The following CADM1 variants were observed in gnomAD, a reference collection of about 807,000 sequenced individuals.
The protein encoded by CADM1 is TSLC-1.
A neutral mutation model predicts 53.1 loss-of-function variants in CADM1; 15 were observed. The ratio of observed to expected loss-of-function variants is 0.28; its 90% CI spans 0.19 to 0.44. The LOEUF (loss-of-function observed/expected upper bound fraction) is 0.44. Among genes scored for constraint, CADM1 ranks in the 20% least tolerant of loss-of-function variants. The pLI is 1.00. For missense variants in CADM1, 434 were observed against 611.3 expected, an observed-to-expected ratio of 0.71 and a Z score of 3.06; for synonymous variants, 281 against 243.0, an observed-to-expected ratio of 1.16 and a Z score of -1.45.
At position 115,367,415 on chromosome 11, in the gene CADM1, A is replaced by G. The variant is rs1338856465; in HGVS notation, c.125-126995T>C. ...GTTTCTTTCCATTTGCTTAACCTAC[A>G]AAGGATGAACCTATACATCAAATCA... On this transcript the variant is annotated intron_variant, in intron 1 of 11. Coordinates refer to ENST00000331581, the MANE Select transcript of CADM1 (RefSeq NM_001301043.2). 2.0e-5 allele frequency among the ~76,000 whole-genome samples: 3 copies of G among 152,340 alleles called. No individual in the cohort carries two copies. The East Asian group carries it at 5.8e-4, about 29-fold the overall frequency.
intron 1 of CADM1, among the ~76,000 whole-genome samples, chr11:115,363,284 G>A (rs947818792): frequency 3.3e-5 from 5 of 152,098 alleles, no homozygotes; most frequent in East Asian, 3.9e-4. Flanking sequence ...ATCTCCTACC[G>A]TTTTTCTGAC....
chr11:115,235,257 G>A (rs1941973317), intron 3 of CADM1, among the ~76,000 whole-genome samples: 1 of 151,462 alleles, frequency 6.6e-6, no homozygotes, highest in African/African-American at 2.4e-5. Context: ...GGTTGGACAA[G>A]AAAATCTTAA....
intron 1 of CADM1, among the ~76,000 whole-genome samples, chr11:115,483,790 T>C (rs1202135251): frequency 2.6e-5 from 4 of 152,220 alleles, no homozygotes; most frequent in African/African-American, 9.6e-5. Flanking sequence ...TATAAATTAA[T>C]TAAGATTAAA....
chr11:115,192,722 C>A, intron 9 of CADM1, among the ~76,000 whole-genome samples: 1 of 152,008 alleles, frequency 6.6e-6, no homozygotes, highest in Non-Finnish European at 1.5e-5. Context: ...CTTATTTCCT[C>A]GGGGAGGGCA....
At chr11:115,415,413 TAA>T (rs914904495) in intron 1 of CADM1, among the ~76,000 whole-genome samples, 1 of 152,080 alleles carries the variant, frequency 6.6e-6, no homozygotes, top group Non-Finnish European at 1.5e-5. Context: ...AGCTAAAACC[TAA>T]AAAAAGAGAT....
chr11:115,428,070 A>G (rs142267933), intron 1 of CADM1, among the ~76,000 whole-genome samples: 322 of 151,734 alleles, frequency 2.1e-3, no homozygotes, highest in African/African-American at 7.3e-3. Context: ...TAAAGAAAAT[A>G]TGTCTGAGTC....
intron 1 of CADM1, among the ~76,000 whole-genome samples, chr11:115,447,610 C>T (rs1482498256): frequency 1.3e-5 from 2 of 152,322 alleles, no homozygotes; most frequent in South Asian, 2.1e-4. Context: ...ACACACAGAA[C>T]TGAGCTTCTC....
chr11:115,439,019 AG>A (rs1295027892), intron 1 of CADM1, among the ~76,000 whole-genome samples: 1 of 152,242 alleles, frequency 6.6e-6, no homozygotes, highest in Non-Finnish European at 1.5e-5. Flanking sequence ...CATTATCATC[AG>A]AGAACCCACT....
intron 1 of CADM1, among the ~76,000 whole-genome samples, chr11:115,298,852 G>A (rs925054981): frequency 6.6e-6 from 1 of 152,108 alleles, no homozygotes; most frequent in Non-Finnish European, 1.5e-5. Flanking sequence ...GGTTACAGTG[G>A]TTCTCTCTGC....
At chr11:115,380,732 A>C (rs994200183) in intron 1 of CADM1, among the ~76,000 whole-genome samples, 1 of 152,166 alleles carries the variant, frequency 6.6e-6, no homozygotes, top group Non-Finnish European at 1.5e-5. Context: ...GTAATCAAGC[A>C]ATAGCTAGAT....
chr11:115,428,744 T>C (rs942462775), intron 1 of CADM1, among the ~76,000 whole-genome samples: 2 of 149,194 alleles, frequency 1.3e-5, no homozygotes, highest in African/African-American at 5.0e-5. Flanking sequence ...CAATAAAGCT[T>C]AGCTATAGAG....
intron 1 of CADM1, among the ~76,000 whole-genome samples, chr11:115,320,756 G>GT (rs1944803087): frequency 6.6e-6 from 1 of 151,852 alleles, no homozygotes; most frequent in African/African-American, 2.4e-5. Flanking sequence ...GTAGTCACAT[G>GT]TTTTTGTGAT....
At chr11:115,254,593 C>CAGAGAGAG (rs780838513) in intron 1 of CADM1, among the ~76,000 whole-genome samples, 6 of 136,422 alleles carry the variant, frequency 4.4e-5, no homozygotes, top group Admixed American at 2.1e-4. Context: ...CACACACACA[C>CAGAGAGAG]AGAGACAACA....
intron 7 of CADM1, among the ~76,000 whole-genome samples, chr11:115,213,991 A>G (rs963209779): frequency 6.6e-6 from 1 of 152,246 alleles, no homozygotes; most frequent in Non-Finnish European, 1.5e-5. Context: ...TAGATGCTCA[A>G]TAAATATCTG....
intron 1 of CADM1, among the ~76,000 whole-genome samples, chr11:115,247,060 A>C (rs1942430795): frequency 6.6e-6 from 1 of 152,230 alleles, no homozygotes; most frequent in Non-Finnish European, 1.5e-5. Context: ...TGTTTAGCTG[A>C]CTAATGGCAA....
At chr11:115,308,793 TCCTCCCTC>T (rs759249150) in intron 1 of CADM1, among the ~76,000 whole-genome samples, 1 of 144,992 alleles carries the variant, frequency 6.9e-6, no homozygotes, top group African/African-American at 2.5e-5. Context: ...CCTTCATCCT[TCCTCCCTC>T]CCTCCCTCCC....
chr11:115,355,862 C>T (rs1012023204), intron 1 of CADM1, among the ~76,000 whole-genome samples: 10 of 152,142 alleles, frequency 6.6e-5, no homozygotes, highest in Non-Finnish European at 7.3e-5. Flanking sequence ...GACGGAGTCT[C>T]GCCCTGTAGC....
At chr11:115,309,275 C>T (rs1476107139) in intron 1 of CADM1, among the ~76,000 whole-genome samples, 2 of 151,900 alleles carry the variant, frequency 1.3e-5, no homozygotes, top group African/African-American at 4.8e-5. Flanking sequence ...TGTCAACGCT[C>T]CAAAAAAGTT....
At chr11:115,318,496 A>G (rs573102560) in intron 1 of CADM1, among the ~76,000 whole-genome samples, 1 of 152,350 alleles carries the variant, frequency 6.6e-6, no homozygotes, top group East Asian at 1.9e-4. Context: ...CAGTGAAGTT[A>G]GAGTACAAGA....
Sources: gnomAD v4.1 joint callset for allele counts (sites outside exome capture counted in the v4.1 genomes callset) on GRCh38, gnomAD v4.1.1 for gene constraint, MANE v1.5 for transcripts, NCBI Gene and HGNC (gene_info 2026-07-23, HGNC 2026-07-21) for gene names.